ANK1: variants seen among roughly 807,000 people sequenced by gnomAD.
ANK1 encodes ankyrin-1.
Under a neutral mutation model 210.4 loss-of-function variants are expected in ANK1, and 51 were observed. The ratio of observed to expected loss-of-function variants is 0.24; its 90% CI spans 0.19 to 0.31. The LOEUF is 0.31. Among genes scored for constraint, ANK1 ranks in the 10% least tolerant of loss-of-function variants. The pLI is 1.00. For synonymous variants in ANK1, 967 were observed against 1,025.9 expected (o/e 0.94, Z 1.10); for missense variants, 2,051 against 2,504.4 (o/e 0.82, Z 3.86).
chr8:41,856,050 TG>T (rs766345993), intron 1 of ANK1, among the ~76,000 whole-genome samples: 1 of 152,180 alleles, frequency 6.6e-6, no homozygotes, highest in Non-Finnish European at 1.5e-5. Flanking sequence ...CAGAAGTCCA[TG>T]GATGAAATTC....
intron 1 of ANK1, among the ~76,000 whole-genome samples, chr8:41,851,091 TTGACAGTAAGA>T (rs1237317444): frequency 6.6e-6 from 1 of 152,230 alleles, no homozygotes; most frequent in Non-Finnish European, 1.5e-5. Context: ...GAGCTGACTT[TTGACAGTAAGA>T]TGCCTCCCTA....
chr8:41,896,286 C>A, intron 1 of ANK1: 1 of 1,522,778 alleles, frequency 6.6e-7, no homozygotes, highest in South Asian at 1.2e-5. Flanking sequence ...CCGGGCCGCC[C>A]GACCCCTGCC....
At chr8:41,697,587 C>T (rs745609219) in intron 24 of ANK1, 25 of 330,456 alleles carry the variant, frequency 7.6e-5, no homozygotes, top group Non-Finnish European at 1.4e-4. Flanking sequence ...TGGTTCTGTG[C>T]TAACTGGGTT....
chr8:41,773,619 A>AT (rs1311200063), intron 1 of ANK1, among the ~76,000 whole-genome samples: 3 of 152,068 alleles, frequency 2.0e-5, no homozygotes, highest in African/African-American at 4.8e-5. Flanking sequence ...CAGAATTGAG[A>AT]TTTTTTTAAA....
intron 1 of ANK1, among the ~76,000 whole-genome samples, chr8:41,762,688 T>C (rs1840746053): frequency 6.6e-6 from 1 of 152,224 alleles, no homozygotes; most frequent in Admixed American, 6.5e-5. Context: ...CAGATAAATG[T>C]TACTTATGCT....
At chr8:41,709,648 A>C (rs892741993) in intron 16 of ANK1, among the ~76,000 whole-genome samples, 1 of 152,364 alleles carries the variant, frequency 6.6e-6, no homozygotes, top group Admixed American at 6.5e-5. Context: ...TAAGATATAA[A>C]AAGTTGGCAG....
Position 41,661,951 on chromosome 8 carries a change from G to A in ANK1, c.5479-10C>T. ...CCACCTTGCGAATGATCTAGGAAAG[G>A]AAGGGAAGGAGGAAAGGGCTGGTCA... On this transcript the variant is annotated splice_polypyrimidine_tract_variant and intron_variant, in intron 40 of 42. Coordinates refer to ENST00000289734, the MANE Select transcript of ANK1 (RefSeq NM_000037.4). 6.2e-7 allele frequency: 1 copy of A among 1,613,116 alleles called. No individual in the cohort carries two copies. Among genetic ancestry groups the A allele is most frequent in the African/African-American group, 1.3e-5 (1 of 75,044 alleles).
At chr8:41,835,529 G>T (rs2150800677) in intron 1 of ANK1, among the ~76,000 whole-genome samples, 1 of 152,240 alleles carries the variant, frequency 6.6e-6, no homozygotes, top group South Asian at 2.1e-4. Context: ...TCGGGCCGAG[G>T]CTGCAGTCAC....
intron 1 of ANK1, among the ~76,000 whole-genome samples, chr8:41,765,317 C>A (rs570378140): frequency 1.3e-5 from 2 of 151,934 alleles, no homozygotes; most frequent in South Asian, 4.2e-4. Flanking sequence ...TAGCTCACTG[C>A]AGCCTCAAAG....
intron 37 of ANK1, among the ~76,000 whole-genome samples, chr8:41,677,964 T>C (rs1331236171): frequency 6.6e-6 from 1 of 152,146 alleles, no homozygotes; most frequent in Non-Finnish European, 1.5e-5. Context: ...CACATTTTTT[T>C]CCCTCTGATT....
At chr8:41,685,443 G>A (rs1403816471) in intron 36 of ANK1, among the ~76,000 whole-genome samples, 1 of 152,202 alleles carries the variant, frequency 6.6e-6, no homozygotes, top group Non-Finnish European at 1.5e-5. Context: ...GCTGAAAAGA[G>A]AATGAGGCAA....
Position 41,695,167 on chromosome 8 carries a change from C to T in ANK1, c.3115+10G>A, listed in dbSNP as rs1386607522. 1.9e-6 allele frequency: 3 copies of T among 1,613,960 alleles called. No homozygotes were observed. The highest frequency in any genetic ancestry group is 2.5e-6 in the Non-Finnish European group (3 of 1,180,010). ...GGAGGGGACCCAGCCCTGGGATCCC[C>T]CGCCCCTACCTTCGTCCATCCCGTT... On this transcript the variant is annotated intron_variant, in intron 27 of 42. Coordinates refer to ENST00000289734, the MANE Select transcript of ANK1 (RefSeq NM_000037.4).
chr8:41,661,374 G>A (rs938416926), intron 42 of ANK1, 56 bp downstream of exon 42: 2 of 1,603,738 alleles, frequency 1.2e-6, no homozygotes, highest in Non-Finnish European at 1.7e-6. Context: ...GAGACAGGGA[G>A]CAGCCACTCC....
intron 38 of ANK1, among the ~76,000 whole-genome samples, chr8:41,672,007 G>A (rs766074299): frequency 6.7e-6 from 1 of 149,116 alleles, no homozygotes; most frequent in Non-Finnish European, 1.5e-5. Flanking sequence ...ATGTCCCTAA[G>A]TGAGCCCTCC....
intron 11 of ANK1, 85 bp downstream of exon 11, chr8:41,718,021 C>T: frequency 1.5e-6 from 2 of 1,328,952 alleles, no homozygotes; most frequent in South Asian, 2.4e-5. Flanking sequence ...TGCAGCCATA[C>T]AAAGCTACAA....
Position 41,727,926 on chromosome 8 carries a change from G to T in ANK1, c.309C>A (p.Asn103Lys). 1 of 1,614,166 alleles carries T rather than the reference G, an allele frequency of 6.2e-7. No homozygotes were observed. The highest frequency in any genetic ancestry group is 2.2e-5 in the East Asian group (1 of 44,882). Reference sequence around the variant, plus strand: ...CCATTACCTGTGACTGGGCGTTGACGTTGGCTCCATAGTTGACAAGCTCCC... The same window carrying T: ...CCATTACCTGTGACTGGGCGTTGACTTTGGCTCCATAGTTGACAAGCTCCC... ...VVRELVNYGA[N>K]VNAQSQKGFT... Residue 103 changes from asparagine to lysine, a missense_variant, in exon 4 of 43, where the codon AAC becomes AAA. Asn to Lys is a moderately conservative substitution (Grantham distance 94). Transcript: ENST00000289734.
At chr8:41,895,777 G>A (rs974917369) in intron 1 of ANK1, among the ~76,000 whole-genome samples, 2 of 151,824 alleles carry the variant, frequency 1.3e-5, no homozygotes, top group African/African-American at 4.9e-5. Context: ...GATCCGGAGG[G>A]TCAGGAAAGG....
At chr8:41,854,693 G>A (rs867055044) in intron 1 of ANK1, among the ~76,000 whole-genome samples, 1 of 152,260 alleles carries the variant, frequency 6.6e-6, no homozygotes, top group Middle Eastern at 3.4e-3. Context: ...CAATCCCAGT[G>A]CTTCAGGAGG....
intron 42 of ANK1, among the ~76,000 whole-genome samples, chr8:41,656,988 T>C (rs958491636): frequency 6.6e-6 from 1 of 152,114 alleles, no homozygotes; most frequent in Non-Finnish European, 1.5e-5. Flanking sequence ...GACTGTCTCC[T>C]CTAAGCCTCT....
Sources: allele counts gnomAD v4.1 joint callset (sites outside exome capture counted in the v4.1 genomes callset), GRCh38; gene constraint gnomAD v4.1.1; transcripts MANE v1.5; gene names NCBI Gene and HGNC (gene_info 2026-07-23, HGNC 2026-07-21).